NAALADL2: variants seen among roughly 807,000 people sequenced by gnomAD.
NAALADL2 encodes the protein inactive N-acetylated-alpha-linked acidic dipeptidase-like protein 2.
NAALADL2 carries 76 observed loss-of-function variants against 87.2 expected under a neutral mutation model. The ratio of observed to expected loss-of-function variants is 0.87; its 90% CI spans 0.72 to 1.05. The LOEUF (loss-of-function observed/expected upper bound fraction) is 1.05. Among genes scored for constraint, NAALADL2 ranks in the 50% least tolerant of loss-of-function variants. NAALADL2 has a pLI of 0.00. For missense variants in NAALADL2, 1,089 were observed against 945.8 expected (o/e 1.15, Z -1.99); for synonymous variants, 354 against 331.0 (o/e 1.07, Z -0.75).
At chr3:174,953,302 T>TCCCCC (rs1740657483) in intron 1 of NAALADL2, among the ~76,000 whole-genome samples, 1 of 61,198 alleles carries the variant, frequency 1.6e-5, no homozygotes, top group African/African-American at 7.1e-5. Flanking sequence ...TTGCCTCCCC[T>TCCCCC]CCCCTCCCCT....
At position 174,706,253 on chromosome 3, in the gene NAALADL2, G is replaced by A. The variant is rs182746834; in HGVS notation, c.-114-31388G>A. On this transcript the variant is annotated intron_variant, in intron 2 of 3. Transcript: ENST00000434257. ...TGCTGGGGCAACTAAATATCCATGT[G>A]CAGAAGAATGAAGTTTGATCTCTAC... Among the ~76,000 whole-genome samples the A allele has an allele frequency of 2.8e-3, 429 of 152,272 alleles. 1 individual carries two copies. The highest frequency in any genetic ancestry group is 9.8e-3 in the African/African-American group (407 of 41,550).
At chr3:175,199,865 T>TACA (rs1491567315) in intron 2 of NAALADL2, among the ~76,000 whole-genome samples, 1 of 8,624 alleles carries the variant, frequency 1.2e-4, no homozygotes, top group South Asian at 7.7e-3. Context: ...TATATATATA[T>TACA]TTTTTTTTTT....
intron 13 of NAALADL2, among the ~76,000 whole-genome samples, chr3:175,763,453 T>C (rs1339178495): frequency 6.6e-6 from 1 of 152,214 alleles, no homozygotes; most frequent in African/African-American, 2.4e-5. Flanking sequence ...GAGGCTACTG[T>C]TGTGTCTCTA....
intron 11 of NAALADL2, chr3:175,676,503 G>C (rs574553876): frequency 6.6e-6 from 1 of 152,254 alleles, no homozygotes; most frequent in East Asian, 1.9e-4. Flanking sequence ...TTACATCCAT[G>C]ATACGTACAG....
intron 1 of NAALADL2, among the ~76,000 whole-genome samples, chr3:174,529,360 G>A (rs1479163285): frequency 6.6e-6 from 1 of 152,142 alleles, no homozygotes; most frequent in East Asian, 1.9e-4. Flanking sequence ...GGCTCTGCAG[G>A]GTAAAGCCTC....
chr3:175,336,107 C>T (rs763737718), intron 5 of NAALADL2, among the ~76,000 whole-genome samples: 7 of 150,368 alleles, frequency 4.7e-5, no homozygotes, highest in East Asian at 1.9e-4. Context: ...CAGGGCCTCC[C>T]GAAAGCCTTT....
chr3:175,542,839 A>G (rs1409570428), intron 9 of NAALADL2, among the ~76,000 whole-genome samples: 3 of 152,212 alleles, frequency 2.0e-5, no homozygotes, highest in Non-Finnish European at 1.5e-5. Flanking sequence ...TTCACTTGTG[A>G]CCTTGAAGTG....
intron 2 of NAALADL2, among the ~76,000 whole-genome samples, chr3:174,726,254 T>A: frequency 6.6e-6 from 1 of 152,146 alleles, no homozygotes; most frequent in South Asian, 2.1e-4. Flanking sequence ...AGCGCTATGA[T>A]GAAAAAACAC....
intron 9 of NAALADL2, among the ~76,000 whole-genome samples, chr3:175,519,051 C>A (rs925312227): frequency 6.6e-6 from 1 of 152,156 alleles, no homozygotes; most frequent in Non-Finnish European, 1.5e-5. Context: ...ACTGGGGAAC[C>A]CAGTATGGCC....
intron 3 of NAALADL2, among the ~76,000 whole-genome samples, chr3:175,246,778 A>C (rs986816321): frequency 6.6e-6 from 1 of 152,058 alleles, no homozygotes; most frequent in African/African-American, 2.4e-5. Flanking sequence ...AAAATCTTGT[A>C]CTCCTGAAGC....
intron 1 of NAALADL2, among the ~76,000 whole-genome samples, chr3:174,914,484 C>G (rs1734115972): frequency 6.6e-6 from 1 of 152,072 alleles, no homozygotes; most frequent in Non-Finnish European, 1.5e-5. Context: ...TTGAATTTCT[C>G]TAGTTTTAGA....
At chr3:175,547,706 T>C (rs1323065683) in intron 9 of NAALADL2, among the ~76,000 whole-genome samples, 3 of 151,944 alleles carry the variant, frequency 2.0e-5, no homozygotes, top group African/African-American at 7.3e-5. Context: ...CTTAAACAAA[T>C]TTACAAGGAA....
intron 1 of NAALADL2, among the ~76,000 whole-genome samples, chr3:174,930,755 G>T: frequency 6.7e-6 from 1 of 150,306 alleles, no homozygotes; most frequent in Non-Finnish European, 1.5e-5. Flanking sequence ...CCAAATAGCT[G>T]GGACTACAGG....
At chr3:174,792,330 A>C (rs1427001402) in intron 3 of NAALADL2, among the ~76,000 whole-genome samples, 1 of 151,776 alleles carries the variant, frequency 6.6e-6, no homozygotes, top group African/African-American at 2.4e-5. Context: ...GAAGGAAGGA[A>C]ATTTTTGTGG....
intron 5 of NAALADL2, among the ~76,000 whole-genome samples, chr3:175,383,196 A>G (rs1345149901): frequency 6.6e-6 from 1 of 152,060 alleles, no homozygotes; most frequent in Non-Finnish European, 1.5e-5. Context: ...TTTCAGTTAC[A>G]GTCTCTTAGT....
At chr3:174,711,988 G>A (rs1346694915) in intron 2 of NAALADL2, among the ~76,000 whole-genome samples, 2 of 151,886 alleles carry the variant, frequency 1.3e-5, no homozygotes, top group South Asian at 2.1e-4. Flanking sequence ...TAGTAGAGAC[G>A]GGGTTTCACA....
chr3:175,672,878 A>T (rs754978629), intron 11 of NAALADL2, among the ~76,000 whole-genome samples: 7 of 152,200 alleles, frequency 4.6e-5, no homozygotes, highest in Non-Finnish European at 1.0e-4. Context: ...TTATAAGGCT[A>T]TTCTGAGGAA....
chr3:175,160,360 C>CTTTTTTTTTTTTTTTTTTTT (rs71164618), intron 2 of NAALADL2, among the ~76,000 whole-genome samples: 5 of 57,036 alleles, frequency 8.8e-5, no homozygotes, highest in Non-Finnish European at 1.9e-4. Context: ...TCTTTTCTTT[C>CTTTTTTTTTTTTTTTTTTTT]TTTTTTTTTT....
chr3:175,722,135 G>A (rs1742324968), intron 11 of NAALADL2, among the ~76,000 whole-genome samples: 1 of 152,028 alleles, frequency 6.6e-6, no homozygotes, highest in African/African-American at 2.4e-5. Context: ...AAAAATCTAT[G>A]TGATGTTTGG....
Sources: gnomAD v4.1 joint callset for allele counts (sites outside exome capture counted in the v4.1 genomes callset) on GRCh38, gnomAD v4.1.1 for gene constraint, MANE v1.5 for transcripts, NCBI Gene and HGNC (gene_info 2026-07-23, HGNC 2026-07-21) for gene names.